Variants in SYNE2 observed in about 807,000 individuals in gnomAD.
SYNE2 encodes the protein nesprin-2.
A neutral mutation model predicts 856.3 loss-of-function variants in SYNE2; 431 were observed. The observed-to-expected ratio is 0.50, with a 90% CI of 0.47 to 0.55. The LOEUF (loss-of-function observed/expected upper bound fraction) is 0.55. SYNE2 is among the 20% of genes least tolerant of loss of function. SYNE2 has a pLI of 0.00. For missense variants in SYNE2, 8,129 were observed against 8,023.2 expected, an observed-to-expected ratio of 1.01 and a Z score of -0.50; for synonymous variants, 2,923 against 2,872.3, an observed-to-expected ratio of 1.02 and a Z score of -0.56.
At chr14:63,850,677 T>G (rs1343016979), upstream of SYNE2, among the ~76,000 whole-genome samples, 2 of 152,182 alleles carry the variant, frequency 1.3e-5, no homozygotes, top group African/African-American at 4.8e-5. Flanking sequence ...CAAACTAGGA[T>G]GGCTAAGAGA....
intron 45 of SYNE2, among the ~76,000 whole-genome samples, chr14:64,032,840 ATGTG>A (rs1192479800): frequency 6.6e-6 from 1 of 152,192 alleles, no homozygotes; most frequent in Non-Finnish European, 1.5e-5. Context: ...TTGATGTTGT[ATGTG>A]TAAAAGAAAC....
chr14:63,933,992 CA>C lies in SYNE2; in HGVS notation c.80-6621del, dbSNP rs373150274. ...GTATGAAAACGTGAGAAAAGTGTGT[CA>C]GGGGATAAATGGAATGGCACATATG... On this transcript the variant is annotated intron_variant, in intron 2 of 115. Coordinates refer to ENST00000555002, the MANE Select transcript of SYNE2 (RefSeq NM_182914.3). Among the ~76,000 whole-genome samples, 856 of 152,216 alleles carry C rather than the reference CA, an allele frequency of 5.6e-3. 7 individuals carry two copies. The highest frequency in any genetic ancestry group is 0.019 in the African/African-American group (807 of 41,532).
chr14:63,941,862 A>G (rs1401067396), intron 4 of SYNE2, 23 bp from the exon 5 acceptor site: 16 of 1,612,468 alleles, frequency 9.9e-6, no homozygotes, highest in Middle Eastern at 3.3e-4. Flanking sequence ...TTTCTGAGTA[A>G]TATATTTGCT....
chr14:64,042,587 A>G (rs1305957237), intron 45 of SYNE2, among the ~76,000 whole-genome samples: 4 of 152,100 alleles, frequency 2.6e-5, no homozygotes, highest in Admixed American at 1.3e-4. Flanking sequence ...TGTTCTCATG[A>G]TAGTGAATGA....
intron 32 of SYNE2, among the ~76,000 whole-genome samples, chr14:64,015,055 A>AC (rs2096881682): frequency 1.4e-5 from 2 of 145,754 alleles, no homozygotes; most frequent in African/African-American, 5.0e-5. Context: ...GTATATATAT[A>AC]AATATATATG....
chr14:64,120,569 G>C (rs1365526619), intron 67 of SYNE2, among the ~76,000 whole-genome samples: 1 of 152,090 alleles, frequency 6.6e-6, no homozygotes, highest in Non-Finnish European at 1.5e-5. Context: ...TTTGAGACCA[G>C]TCTGGCCAAC....
At chr14:64,133,910 G>T (rs1054301058) in intron 77 of SYNE2, among the ~76,000 whole-genome samples, 159 bp from the exon 78 acceptor site, 1 of 152,114 alleles carries the variant, frequency 6.6e-6, no homozygotes, top group African/African-American at 2.4e-5. Context: ...GATGCTGAGC[G>T]CTTACCAGGG....
At chr14:63,872,916 A>G (rs1365592635) in intron 1 of SYNE2, among the ~76,000 whole-genome samples, 1 of 152,052 alleles carries the variant, frequency 6.6e-6, no homozygotes, top group Non-Finnish European at 1.5e-5. Context: ...TCATTGTTTA[A>G]TATTCCATTG....
At chr14:64,158,886 C>A in intron 86 of SYNE2, 91 bp downstream of exon 86, 1 of 1,376,498 alleles carries the variant, frequency 7.3e-7, no homozygotes, top group Non-Finnish European at 1.0e-6. Context: ...TGTTTGTGCC[C>A]TCCCACAGAG....
At position 64,186,041 on chromosome 14, in the gene SYNE2, C is replaced by G. The variant is rs191229951; in HGVS notation, c.17557-383C>G. Among the ~76,000 whole-genome samples, 111 of 152,206 alleles carry G rather than the reference C, an allele frequency of 7.3e-4. 1 individual carries two copies. The highest frequency in any genetic ancestry group is 1.6e-3 in the Admixed American group (24 of 15,278). On this transcript the variant is annotated intron_variant, in intron 96 of 115. Coordinates refer to ENST00000555002, the MANE Select transcript of SYNE2 (RefSeq NM_182914.3). Reference sequence around the variant, plus strand: ...GGGTTTTTTTAAATGGAAAATCACACTTTATCTGAAATGTAGTTTCAGGAT... The same window carrying G: ...GGGTTTTTTTAAATGGAAAATCACAGTTTATCTGAAATGTAGTTTCAGGAT...
Position 64,201,601 on chromosome 14 carries a change from G to T in SYNE2, c.18039-1200G>T, listed in dbSNP as rs558783945. On this transcript the variant is annotated intron_variant, in intron 99 of 115. Transcript: ENST00000555002. The stretch of plus-strand genomic sequence containing the variant: ...GCAGGGACTATTGAAGGCTTTGAGC[G>T]TGGATCAGACTTGCCTTCTAGAACT... Among the ~76,000 whole-genome samples the T allele has an allele frequency of 9.2e-5, 14 of 152,288 alleles. No individual in the cohort carries two copies. The East Asian group carries it at 9.6e-4, about 10-fold the overall frequency.
chr14:64,069,249 T>C (rs1400709369), intron 51 of SYNE2, among the ~76,000 whole-genome samples: 1 of 151,592 alleles, frequency 6.6e-6, no homozygotes, highest in East Asian at 1.9e-4. Flanking sequence ...TAACAATTTC[T>C]TTATTTGCAT....
chr14:63,814,691 T>TCC (rs1566583679), intron 1 of SYNE2, among the ~76,000 whole-genome samples: 11 of 110,492 alleles, frequency 1.0e-4, no homozygotes, highest in African/African-American at 2.8e-4. Flanking sequence ...TATATATCCA[T>TCC]ATATATATCC....
At chr14:63,975,776 G>GT (rs1340680138) in intron 11 of SYNE2, among the ~76,000 whole-genome samples, 1 of 152,156 alleles carries the variant, frequency 6.6e-6, no homozygotes, top group Non-Finnish European at 1.5e-5. Context: ...TTAAATGATG[G>GT]GTAACCATCA....
At position 64,002,897 on chromosome 14, in the gene SYNE2, C is replaced by T. The variant is rs768810066; in HGVS notation, c.3964C>T (p.Leu1322Phe). The T allele has an allele frequency of 5.0e-6, 8 of 1,614,188 alleles. No individual in the cohort carries two copies. The highest frequency in any genetic ancestry group is 1.6e-4 in the Middle Eastern group (1 of 6,062). The part of the protein sequence containing the change: ...NHRVQRSEDT[L>F]KALEDFLASL... ...CAGGGTGCAGAGGAGTGAAGATACTCTCAAAGCTCTGGAAGACTTTTTGGC... is the reference window on the plus strand; with the variant it reads ...CAGGGTGCAGAGGAGTGAAGATACTTTCAAAGCTCTGGAAGACTTTTTGGC... Residue 1322 changes from leucine to phenylalanine, a missense_variant, in exon 30 of 116, where the codon CTC (leucine) becomes TTC (phenylalanine). By Grantham distance (22) the Leu-to-Phe change is conservative (BLOSUM62 0). This residue lies in a region of SYNE2 where 2,422 missense variants were observed against 2,357.4 expected (regional missense o/e 1.03). Coordinates refer to ENST00000555002, the MANE Select transcript of SYNE2 (RefSeq NM_182914.3).
At chr14:64,088,047 G>T (rs908044058) in intron 58 of SYNE2, among the ~76,000 whole-genome samples, 191 bp downstream of exon 58, 5 of 152,158 alleles carry the variant, frequency 3.3e-5, no homozygotes, top group Admixed American at 2.0e-4. Flanking sequence ...GCTGGGCATC[G>T]TGGTGCACAC....
chr14:63,990,305 T>A, intron 19 of SYNE2, 106 bp from the exon 20 acceptor site: 1 of 1,124,900 alleles, frequency 8.9e-7, no homozygotes, highest in Non-Finnish European at 1.3e-6. Context: ...ATTTGCCTGA[T>A]TTTGGATTAA....
rs534383053 is a variant in SYNE2, at chr14:63,957,117, C to CT, written c.787+2215dup. Among the ~76,000 whole-genome samples the CT allele has an allele frequency of 2.6e-3, 374 of 143,760 alleles. 2 individuals carry two copies. Among genetic ancestry groups the CT allele is most frequent in the East Asian group, 0.017 (83 of 4,992 alleles). 94.3% of individuals were successfully genotyped at this position (143,760 alleles called of 152,430 possible). A position where few individuals can be genotyped will look rare whatever the true frequency, so the allele number is the denominator to read the frequency against. On this transcript the variant is annotated intron_variant, in intron 8 of 115. Transcript: ENST00000555002. Reference sequence around the variant, plus strand: ...TGTGGCATGTATCAATACTTCATTCCTTTTTTTTTTTTTGGAGTCAGAGTC... The same window carrying CT: ...TGTGGCATGTATCAATACTTCATTCCTTTTTTTTTTTTTTGGAGTCAGAGTC...
rs117070973 is a variant in SYNE2 at position 64,186,428 on chromosome 14, T to C, written c.17561T>C (p.Leu5854Pro). 6.4e-3 allele frequency: 10,294 copies of C among 1,614,206 alleles called. 56 individuals are homozygous for C. Among genetic ancestry groups the C allele is most frequent in the Non-Finnish European group, 7.5e-3 (8,881 of 1,180,024 alleles). ...CCTTCTTGTGATTAAATGCAGGAAC[T>C]AGAACAGTCTTTGGCTAGCTGGACT... ...LHNEKELIKE[L>P]EQSLASWTQN... is the part of the protein sequence containing the mutation. Residue 5854 changes from leucine (L) to proline (P), a missense_variant, in exon 97 of 116, where the codon CTA becomes CCA. Around this residue, in one of 3 missense-constraint regions of SYNE2, gnomAD observed 5,410 missense variants for 5,284.8 expected, o/e 1.02. Transcript: ENST00000555002.
Sources: gnomAD v4.1 joint callset for allele counts (sites outside exome capture counted in the v4.1 genomes callset) on GRCh38, gnomAD v4.1.1 for gene constraint, gnomAD v4.1.1 regional missense constraint, MANE v1.5 for transcripts, NCBI Gene and HGNC (gene_info 2026-07-23, HGNC 2026-07-21) for gene names.